SCCPDH: variants seen among roughly 807,000 people sequenced by gnomAD.
The protein encoded by SCCPDH is saccharopine dehydrogenase (putative).
SCCPDH carries 34 observed loss-of-function variants against 51.5 expected under a neutral mutation model. The ratio of observed to expected loss-of-function variants is 0.66; its 90% CI spans 0.50 to 0.88. SCCPDH has a LOEUF of 0.88. Ranked by LOEUF, SCCPDH falls within the 40% of genes least tolerant of loss-of-function variation. The pLI is 0.00. For synonymous variants in SCCPDH, 187 were observed against 191.3 expected (o/e 0.98, Z 0.19); for missense variants, 464 against 527.1 (o/e 0.88, Z 1.17).
intron 9 of SCCPDH, among the ~76,000 whole-genome samples, chr1:246,763,315 TGA>T (rs750921732): frequency 1.3e-3 from 193 of 152,262 alleles, no homozygotes; most frequent in Non-Finnish European, 2.4e-3. Context: ...GTGTGTAGCC[TGA>T]GAGAGGATTA....
At chr1:246,764,214 A>G (rs1025960212) in intron 9 of SCCPDH, 32 bp from the exon 10 acceptor site, 37 of 1,356,932 alleles carry the variant, frequency 2.7e-5, no homozygotes, top group Non-Finnish European at 3.6e-5. Flanking sequence ...TGACGTATTT[A>G]TGAAATGCGC....
At chr1:246,756,948 A>G (rs1247009679) in intron 5 of SCCPDH, among the ~76,000 whole-genome samples, 3 of 152,224 alleles carry the variant, frequency 2.0e-5, no homozygotes, top group Admixed American at 2.0e-4. Flanking sequence ...TGTAAACAAC[A>G]TAGAAGGAAG....
Position 246,767,213 on chromosome 1 carries a change from T to TG in SCCPDH, c.1205dup (p.Ala403SerfsTer10). The TG allele has an allele frequency of 6.2e-7, 1 of 1,610,378 alleles. No homozygotes were observed. Among genetic ancestry groups the TG allele is most frequent in the Non-Finnish European group, 8.5e-7 (1 of 1,177,928 alleles). On this transcript the variant is annotated frameshift_variant, in exon 12 of 12. Transcript: ENST00000366510. LOFTEE classifies it high-confidence loss of function. Reference sequence around the variant, plus strand: ...TTTATAGGGGCGGGGTCTTCACACCTGGAGCAGCTTTTTCCAAAACAAAGT... The same window carrying TG: ...TTTATAGGGGCGGGGTCTTCACACCTGGGAGCAGCTTTTTCCAAAACAAAGT...
At chr1:246,766,801 T>A (rs1669091581) in intron 11 of SCCPDH, among the ~76,000 whole-genome samples, 1 of 152,244 alleles carries the variant, frequency 6.6e-6, no homozygotes, top group Middle Eastern at 3.2e-3. Flanking sequence ...TTCATCCAAT[T>A]TAAGTTCTGT....
intron 3 of SCCPDH, among the ~76,000 whole-genome samples, chr1:246,736,527 CCA>C (rs1558167865): frequency 7.2e-5 from 11 of 152,006 alleles, no homozygotes; most frequent in Non-Finnish European, 1.6e-4. Flanking sequence ...CGGTGAAACC[CCA>C]TGTCTACTAA....
intron 5 of SCCPDH, among the ~76,000 whole-genome samples, chr1:246,753,069 T>C (rs1453579978): frequency 3.3e-5 from 5 of 149,540 alleles, no homozygotes; most frequent in Non-Finnish European, 5.9e-5. Context: ...CTCTCTCTCT[T>C]TCTCTCTCCT....
intron 2 of SCCPDH, among the ~76,000 whole-genome samples, chr1:246,734,550 C>T (rs1668540250): frequency 1.3e-5 from 2 of 152,066 alleles, no homozygotes; most frequent in East Asian, 1.9e-4. Context: ...GGTAGGAACT[C>T]GAATTTCACA....
intron 3 of SCCPDH, among the ~76,000 whole-genome samples, chr1:246,737,369 C>A (rs1214713206): frequency 6.6e-6 from 1 of 151,974 alleles, no homozygotes; most frequent in Non-Finnish European, 1.5e-5. Context: ...GTGGTCCCAC[C>A]TACTCAGGAG....
At position 246,767,348 on chromosome 1, in the gene SCCPDH, T is replaced by C; in HGVS notation, c.*48T>C. On this transcript the variant is annotated 3_prime_UTR_variant, in exon 12 of 12. Coordinates refer to ENST00000366510, the MANE Select transcript of SCCPDH (RefSeq NM_016002.3). ...TCATAACGTGCGTGAATTAACAGCTTCTCTATTTGATATTTGAAATTCTTC... is the reference window on the plus strand; with the variant it reads ...TCATAACGTGCGTGAATTAACAGCTCCTCTATTTGATATTTGAAATTCTTC... The C allele has an allele frequency of 1.8e-6, 2 of 1,098,032 alleles. No homozygotes were observed. The highest frequency in any genetic ancestry group is 2.6e-6 in the Non-Finnish European group (2 of 774,498). The allele number at this position is 1,098,032 out of a possible 1,614,324, so 68.0% of individuals were successfully genotyped here.
intron 2 of SCCPDH, among the ~76,000 whole-genome samples, chr1:246,729,142 T>A (rs560417834): frequency 2.0e-5 from 3 of 152,270 alleles, no homozygotes; most frequent in African/African-American, 7.2e-5. Flanking sequence ...GGTATCACAA[T>A]GCAAATGGCA....
At chr1:246,730,480 A>C (rs1317915153) in intron 2 of SCCPDH, among the ~76,000 whole-genome samples, 1 of 152,184 alleles carries the variant, frequency 6.6e-6, no homozygotes, top group African/African-American at 2.4e-5. Flanking sequence ...CAGTAAAGTG[A>C]AAACGACTGA....
At chr1:246,761,771 A>G (rs1669018964) in intron 9 of SCCPDH, among the ~76,000 whole-genome samples, 1 of 152,138 alleles carries the variant, frequency 6.6e-6, no homozygotes, top group Non-Finnish European at 1.5e-5. Context: ...TCTGGATCAC[A>G]TTTTGTGTAT....
chr1:246,725,823 G>A (rs1395728346), intron 1 of SCCPDH, among the ~76,000 whole-genome samples: 2 of 152,128 alleles, frequency 1.3e-5, no homozygotes, highest in South Asian at 2.1e-4. Flanking sequence ...TCATTGTGGG[G>A]GGATATACCT....
chr1:246,736,083 G>A, intron 3 of SCCPDH, 28 bp downstream of exon 3: 1 of 1,466,324 alleles, frequency 6.8e-7, no homozygotes, highest in Non-Finnish European at 9.5e-7. Flanking sequence ...GAAAAACGTA[G>A]AATTAACACA....
chr1:246,767,258 A>AC lies in SCCPDH; in HGVS notation c.1249dup (p.His417ProfsTer4). 6.2e-7 allele frequency: 1 copy of AC among 1,611,688 alleles called. No individual in the cohort carries two copies. Among genetic ancestry groups the AC allele is most frequent in the Non-Finnish European group, 8.5e-7 (1 of 1,178,598 alleles). ...CAAAGTTGATTGACAGACTCAACAAACACGGTATTGAGTTTAGTGTTATTA... is the reference window on the plus strand; with the variant it reads ...CAAAGTTGATTGACAGACTCAACAAACCACGGTATTGAGTTTAGTGTTATTA... On this transcript the variant is annotated frameshift_variant, in exon 12 of 12. Transcript: ENST00000366510. LOFTEE classifies it high-confidence loss of function.
intron 5 of SCCPDH, among the ~76,000 whole-genome samples, chr1:246,756,576 C>T (rs1668935508): frequency 6.6e-6 from 1 of 152,112 alleles, no homozygotes; most frequent in African/African-American, 2.4e-5. Flanking sequence ...TTTTAAAAAG[C>T]TGTTTTCTCC....
intron 5 of SCCPDH, among the ~76,000 whole-genome samples, chr1:246,754,379 G>C (rs1156503476): frequency 6.6e-6 from 1 of 152,240 alleles, no homozygotes; most frequent in Non-Finnish European, 1.5e-5. Flanking sequence ...CCTCATGGGA[G>C]AGGACCAGAC....
chr1:246,739,944 TTAAG>T (rs1668653542), intron 3 of SCCPDH, among the ~76,000 whole-genome samples: 2 of 152,140 alleles, frequency 1.3e-5, no homozygotes, highest in Non-Finnish European at 2.9e-5. Flanking sequence ...TCTAAAAAAA[TTAAG>T]TGTCATACAG....
chr1:246,739,193 A>G (rs138369602), intron 3 of SCCPDH, among the ~76,000 whole-genome samples: 1 of 152,030 alleles, frequency 6.6e-6, no homozygotes, highest in Admixed American at 6.6e-5. Context: ...ACAGTGGAGA[A>G]ACCTGGTGAA....
Sources: gnomAD v4.1 joint callset for allele counts (sites outside exome capture counted in the v4.1 genomes callset) on GRCh38, gnomAD v4.1.1 for gene constraint, MANE v1.5 for transcripts, NCBI Gene and HGNC (gene_info 2026-07-23, HGNC 2026-07-21) for gene names.